Variants in SSH1 observed in about 807,000 individuals in gnomAD.
SSH1 encodes the protein slingshot protein phosphatase 1.
SSH1 carries 43 observed loss-of-function variants against 79.7 expected under a neutral mutation model. That is an observed-to-expected ratio of 0.54 (90% CI 0.42 to 0.70). SSH1 has a LOEUF of 0.70. Among genes scored for constraint, SSH1 ranks in the 30% least tolerant of loss-of-function variants. The pLI, the probability that SSH1 is intolerant of heterozygous loss-of-function variation, is 0.00. For missense variants in SSH1, 1,206 were observed against 1,358.8 expected (o/e 0.89, Z 1.77); for synonymous variants, 599 against 538.3 (o/e 1.11, Z -1.56).
chr12:108,823,122 G>T, intron 3 of SSH1, 136 bp downstream of exon 3: 1 of 800,862 alleles, frequency 1.2e-6, no homozygotes, highest in Non-Finnish European at 2.1e-6. Flanking sequence ...CTGAGCCTCT[G>T]CCTGCACTGG....
At chr12:108,829,505 G>C (rs948817405) in intron 2 of SSH1, among the ~76,000 whole-genome samples, 2 of 152,182 alleles carry the variant, frequency 1.3e-5, no homozygotes, top group Admixed American at 1.3e-4. Flanking sequence ...ATGGAGCACA[G>C]GGTAAGCCAA....
chr12:108,807,418 A>ATTTTT lies in SSH1; in HGVS notation c.731+210_731+214dup, dbSNP rs35206418. Among the ~76,000 whole-genome samples the ATTTTT allele has an allele frequency of 2.1e-5, 3 of 143,448 alleles. No homozygotes were observed. Among genetic ancestry groups the ATTTTT allele is most frequent in the Non-Finnish European group, 3.1e-5 (2 of 65,552 alleles). 94.1% of individuals were successfully genotyped at this position (143,448 alleles called of 152,430 possible). ...AATGCATTCACCAAATTCATCAGTA[A>ATTTTT]TTTTTTTTTTTTTTTTCTTTTTTTT... is the stretch of plus-strand genomic sequence containing the variant. On this transcript the variant is annotated intron_variant, in intron 8 of 14. Transcript: ENST00000326495. The surrounding 1 kb of genome is among the most constrained non-coding windows in gnomAD (Gnocchi z 5.2).
In SSH1 at chr12:108,818,322, C is replaced by T. The variant is rs753994501; in HGVS notation, c.215-9G>A. The stretch of plus-strand genomic sequence containing the variant: ...ATGTTGAGGCAGATCACCTGTTGGA[C>T]CAATAAAGAAAGCTTTAAAAGGTCT... On this transcript the variant is annotated splice_polypyrimidine_tract_variant and intron_variant, in intron 3 of 14. Coordinates refer to ENST00000326495, the MANE Select transcript of SSH1 (RefSeq NM_018984.4). The T allele has an allele frequency of 6.2e-7, 1 of 1,613,484 alleles. No homozygotes were observed. The highest frequency in any genetic ancestry group is 1.1e-5 in the South Asian group (1 of 91,072).
chr12:108,801,900 G>C (rs1190514269), intron 11 of SSH1, among the ~76,000 whole-genome samples: 3 of 152,114 alleles, frequency 2.0e-5, no homozygotes, highest in African/African-American at 7.2e-5. Flanking sequence ...CATTAGCTCA[G>C]ATAGAGCCCA....
intron 9 of SSH1, among the ~76,000 whole-genome samples, chr12:108,805,905 G>A (rs1164166667): frequency 1.3e-5 from 2 of 152,064 alleles, no homozygotes; most frequent in Non-Finnish European, 1.5e-5. Context: ...GTCATCCTGT[G>A]GAGAAATAAG....
intron 10 of SSH1, among the ~76,000 whole-genome samples, chr12:108,802,681 G>GA: frequency 7.0e-6 from 1 of 143,302 alleles, no homozygotes; most frequent in Admixed American, 6.8e-5. Context: ...AGAGTCCAGT[G>GA]GGGGGGGGTC....
intron 2 of SSH1, among the ~76,000 whole-genome samples, chr12:108,824,161 G>A (rs1185673006): frequency 6.6e-6 from 1 of 152,188 alleles, no homozygotes; most frequent in Non-Finnish European, 1.5e-5. Context: ...TAAGAAAAGT[G>A]GGGAGGGGCC....
rs757745273 is a variant in SSH1, at chr12:108,807,606, C to T, written c.731+27G>A. 4.2e-5 allele frequency: 67 copies of T among 1,607,776 alleles called. No homozygotes were observed. The highest frequency in any genetic ancestry group is 5.4e-5 in the Non-Finnish European group (64 of 1,176,238). ...AGGCAGGTGCCTGTGGGCTTGGGTG[C>T]GCTCACACCAGAGGCACCTCACTTA... On this transcript the variant is annotated intron_variant, in intron 8 of 14. Transcript: ENST00000326495. This position sits in a 1 kb window ranked among gnomAD's most constrained non-coding sequence, Gnocchi z 5.2.
chr12:108,851,194 C>A (rs894980845), intron 2 of SSH1, among the ~76,000 whole-genome samples: 3 of 152,188 alleles, frequency 2.0e-5, no homozygotes, highest in African/African-American at 7.2e-5. Context: ...AATAAGGAAT[C>A]TCTTTGATTC....
At chr12:108,825,302 C>G (rs2038270054) in intron 2 of SSH1, among the ~76,000 whole-genome samples, 1 of 152,114 alleles carries the variant, frequency 6.6e-6, no homozygotes, top group Non-Finnish European at 1.5e-5. Flanking sequence ...CACCTTTGCC[C>G]CAGACATCTA....
At chr12:108,820,403 G>A (rs1055952933) in intron 3 of SSH1, among the ~76,000 whole-genome samples, 3 of 152,214 alleles carry the variant, frequency 2.0e-5, no homozygotes, top group Non-Finnish European at 2.9e-5. Context: ...CAACGACAAC[G>A]ACCATGAGCT....
In SSH1 at chr12:108,780,677, G is replaced by A. The variant is rs969019905; in HGVS notation, c.*7311C>T. 3 of 152,166 alleles carry A rather than the reference G, an allele frequency of 2.0e-5. No homozygotes were observed. Among genetic ancestry groups the A allele is most frequent in the Non-Finnish European group, 4.4e-5 (3 of 68,020 alleles). The allele number at this position is 152,166 out of a possible 1,614,324, so 9.4% of individuals were successfully genotyped here. On this transcript the variant is annotated 3_prime_UTR_variant, in exon 15 of 15. Transcript: ENST00000326495. ...GCCAGAGAACAGTGTCTTGAACCAT[G>A]ACCCTCAGTGATTTGTTTTTAAAAC...
At position 108,779,101 on chromosome 12, in the gene SSH1, A is replaced by AGACC. The variant is rs1555226094; in HGVS notation, c.*8886_*8887insGGTC. ...TAACAGGCGTCAAGCCACCGTGCCC[A>AGACC]AATTTGTCTTTTAGAGTCGGATGCT... On this transcript the variant is annotated 3_prime_UTR_variant, in exon 15 of 15. Transcript: ENST00000326495. 1 of 151,910 alleles carries AGACC rather than the reference A, an allele frequency of 6.6e-6. No individual in the cohort carries two copies. Among genetic ancestry groups the AGACC allele is most frequent in the African/African-American group, 2.4e-5 (1 of 41,336 alleles). 9.4% of individuals were successfully genotyped at this position (151,910 alleles called of 1,614,324 possible).
chr12:108,806,419 A>T (rs772469825), intron 8 of SSH1, 25 bp from the exon 9 acceptor site: 6 of 1,606,496 alleles, frequency 3.7e-6, no homozygotes, highest in Non-Finnish European at 5.1e-6. Context: ...CGTTTAGGAG[A>T]GCAAGGAGCT....
chr12:108,817,051 A>G lies in SSH1; in HGVS notation c.388T>C (p.Ser130Pro), dbSNP rs1341954076. The G allele has an allele frequency of 6.2e-7, 1 of 1,614,004 alleles. No homozygotes were observed. Among genetic ancestry groups the G allele is most frequent in the Admixed American group, 1.7e-5 (1 of 60,024 alleles). ...CATCAGACTCACCTTTCCTTACTGG[A>G]AAAGTCCACTCCCAGCAAGATATTC... ...EENILLGVDFSSKESKSCTIG... is the reference protein window; with the variant it reads ...EENILLGVDFPSKESKSCTIG... The change falls in exon 5 of 15, where the codon TCC becomes CCC. Residue 130 changes from serine to proline, a missense_variant. Ser to Pro is a moderately conservative substitution (Grantham distance 74). Transcript: ENST00000326495.
At position 108,807,384 on chromosome 12, in the gene SSH1, G is replaced by A. The variant is rs2888975; in HGVS notation, c.731+249C>T. Among the ~76,000 whole-genome samples the A allele has an allele frequency of 0.29, 44,180 of 151,436 alleles. 6,672 individuals are homozygous for A. Among genetic ancestry groups the A allele is most frequent in the South Asian group, 0.43 (2,051 of 4,790 alleles). Reference sequence around the variant, plus strand: ...GAGTCTGATGGGAGTTACGGACCCCGTCCCCAGAAATGCATTCACCAAATT... The same window carrying A: ...GAGTCTGATGGGAGTTACGGACCCCATCCCCAGAAATGCATTCACCAAATT... On this transcript the variant is annotated intron_variant, in intron 8 of 14. Coordinates refer to ENST00000326495, the MANE Select transcript of SSH1 (RefSeq NM_018984.4). The surrounding 1 kb of genome is among the most constrained non-coding windows in gnomAD (Gnocchi z 5.2).
Position 108,788,832 on chromosome 12 carries a change from G to A in SSH1, c.2306C>T (p.Thr769Ile). Residue 769 changes from threonine to isoleucine, a missense_variant, in exon 15 of 15, where the codon ACA (threonine) becomes ATA (isoleucine). By Grantham distance (89) the Thr-to-Ile change is moderately conservative. Transcript: ENST00000326495. ...NSHCDKNPPS[T>I]EVVIKEESSP... ...CGATTCTTCCTTTATTACCACTTCT[G>A]TGCTGGGAGGGTTCTTATCACAGTG... 6.2e-7 allele frequency: 1 copy of A among 1,614,212 alleles called. No individual in the cohort carries two copies. Among genetic ancestry groups the A allele is most frequent in the Non-Finnish European group, 8.5e-7 (1 of 1,180,048 alleles).
intron 2 of SSH1, among the ~76,000 whole-genome samples, chr12:108,828,216 G>T (rs964173098): frequency 6.6e-6 from 1 of 152,188 alleles, no homozygotes; most frequent in Non-Finnish European, 1.5e-5. Flanking sequence ...AAGCAGCACT[G>T]AGTAGGGGCT....
At chr12:108,854,918 T>A (rs2039114128) in intron 1 of SSH1, among the ~76,000 whole-genome samples, 1 of 152,108 alleles carries the variant, frequency 6.6e-6, no homozygotes, top group African/African-American at 2.4e-5. Flanking sequence ...CCTCAACACA[T>A]CTGAACGAGG....
Sources: allele counts gnomAD v4.1 joint callset (sites outside exome capture counted in the v4.1 genomes callset), GRCh38; gene constraint gnomAD v4.1.1; non-coding constraint Gnocchi (gnomAD v3.1); transcripts MANE v1.5; gene names NCBI Gene and HGNC (gene_info 2026-07-23, HGNC 2026-07-21).